TMEM132C: variants seen among roughly 807,000 people sequenced by gnomAD.
TMEM132C encodes the protein transmembrane protein 132C, also known as protein phosphatase 1, regulatory subunit 152.
Under a neutral mutation model 61.4 loss-of-function variants are expected in TMEM132C, and 29 were observed. The ratio of observed to expected loss-of-function variants is 0.47; its 90% CI spans 0.35 to 0.64. The LOEUF is 0.64. TMEM132C is among the 30% of genes least tolerant of loss of function. The pLI is 0.00. For missense variants in TMEM132C, 1,408 were observed against 1,476.9 expected, an observed-to-expected ratio of 0.95 and a Z score of 0.76; for synonymous variants, 656 against 633.1, an observed-to-expected ratio of 1.04 and a Z score of -0.54.
chr12:128,518,679 C>T (rs1029448399), intron 2 of TMEM132C, among the ~76,000 whole-genome samples: 4 of 152,024 alleles, frequency 2.6e-5, no homozygotes, highest in East Asian at 1.9e-4. Flanking sequence ...CAATCTAAAC[C>T]GCCTACCCTA....
chr12:128,604,417 A>ATAGATAGT (rs1876327102), intron 3 of TMEM132C, among the ~76,000 whole-genome samples: 1 of 147,880 alleles, frequency 6.8e-6, no homozygotes, highest in Non-Finnish European at 1.5e-5. Context: ...AGATAGATAG[A>ATAGATAGT]TAGATAGATA....
intron 3 of TMEM132C, among the ~76,000 whole-genome samples, chr12:128,553,135 G>A (rs535747673): frequency 2.0e-5 from 3 of 152,124 alleles, no homozygotes; most frequent in Non-Finnish European, 2.9e-5. Flanking sequence ...TAACACTAGC[G>A]ATAGCTGATG....
At chr12:128,694,352 CA>C (rs35339248) in intron 6 of TMEM132C, among the ~76,000 whole-genome samples, 16 of 151,634 alleles carry the variant, frequency 1.1e-4, no homozygotes, top group African/African-American at 3.9e-4. Flanking sequence ...TTATTTTCTC[CA>C]AAAAAAAGTC....
intron 3 of TMEM132C, among the ~76,000 whole-genome samples, chr12:128,579,405 G>A (rs1285164237): frequency 6.6e-6 from 1 of 152,196 alleles, no homozygotes; most frequent in Non-Finnish European, 1.5e-5. Context: ...GTCACTTTGT[G>A]AATATGTGTT....
rs188601651 is a variant in TMEM132C, at chr12:128,549,188, G to A, written c.1121+5085G>A. On this transcript the variant is annotated intron_variant, in intron 3 of 8. Transcript: ENST00000435159. Reference sequence around the variant, plus strand: ...GTCTGTCCATGTGTGTTTGGTCCTGGGCCCAGGCTGAAGGGGCAGAGTTAT... The same window carrying A: ...GTCTGTCCATGTGTGTTTGGTCCTGAGCCCAGGCTGAAGGGGCAGAGTTAT... Among the ~76,000 whole-genome samples the A allele has an allele frequency of 3.9e-5, 6 of 152,190 alleles. No individual in the cohort carries two copies. In the East Asian group the frequency reaches 1.2e-3, roughly 29 times the overall value.
chr12:128,621,636 G>A (rs866984140), intron 4 of TMEM132C, among the ~76,000 whole-genome samples: 5 of 152,300 alleles, frequency 3.3e-5, no homozygotes, highest in Admixed American at 2.0e-4. Context: ...TCCTCCATCC[G>A]TGGTACTGTT....
At chr12:128,430,222 G>A (rs1258898138) in intron 2 of TMEM132C, among the ~76,000 whole-genome samples, 1 of 152,196 alleles carries the variant, frequency 6.6e-6, no homozygotes, top group Admixed American at 6.5e-5. Flanking sequence ...GTATGACACA[G>A]TGGTTCTTGC....
chr12:128,705,441 C>T lies in TMEM132C; in HGVS notation c.2473C>T (p.Arg825Trp), dbSNP rs919803681. 6.8e-5 allele frequency: 106 copies of T among 1,550,898 alleles called. No homozygotes were observed. In the East Asian group the frequency reaches 8.6e-4, roughly 13 times the overall value. ...GATCAAGAACCACGCCAGCGACCGC[C>T]GGCAGAAGGGCCAGCACCATGAGCG... ...DEIKNHASDRRQKGQHHERTG... is the reference protein window; with the variant it reads ...DEIKNHASDRWQKGQHHERTG... Residue 825 changes from arginine (R) to tryptophan (W), a missense_variant, in exon 9 of 9, where the codon CGG (arginine) becomes TGG (tryptophan). Transcript: ENST00000435159.
At chr12:128,337,441 T>C (rs1035254293) in intron 1 of TMEM132C, among the ~76,000 whole-genome samples, 1 of 152,198 alleles carries the variant, frequency 6.6e-6, no homozygotes. Context: ...TGTGTGGATT[T>C]TTCCAAGGAG....
chr12:128,474,633 G>A (rs1871096510), intron 2 of TMEM132C, among the ~76,000 whole-genome samples: 1 of 152,192 alleles, frequency 6.6e-6, no homozygotes, highest in East Asian at 1.9e-4. Flanking sequence ...TAGAATGCCC[G>A]ATGAGAACGT....
At chr12:128,629,489 A>G (rs1406580951) in intron 4 of TMEM132C, among the ~76,000 whole-genome samples, 2 of 152,184 alleles carry the variant, frequency 1.3e-5, no homozygotes, top group Non-Finnish European at 2.9e-5. Flanking sequence ...AAAAAAACCA[A>G]TATGATTCCA....
Position 128,415,191 on chromosome 12 carries a change from G to A in TMEM132C, c.545G>A (p.Arg182Gln), listed in dbSNP as rs755425728. The A allele has an allele frequency of 6.3e-5, 102 of 1,610,620 alleles. No homozygotes were observed. The East Asian group carries it at 1.8e-3, about 29-fold the overall frequency. Residue 182 changes from arginine (R) to glutamine (Q), a missense_variant, in exon 2 of 9, where the codon CGG (arginine) becomes CAG (glutamine). By Grantham distance (43) the Arg-to-Gln change is conservative (BLOSUM62 1). Transcript: ENST00000435159. This position sits in a 1 kb window ranked among gnomAD's most constrained non-coding sequence, Gnocchi z 5.8. ...GCTTTCCGAGAAACCAGAGAGGTGC[G>A]GGGCAGCTGCCGGCTGAAGGGGGAC... ...VFAFRETREV[R>Q]GSCRLKGDLG...
intron 5 of TMEM132C, among the ~76,000 whole-genome samples, chr12:128,678,741 C>T (rs554832242): frequency 8.5e-5 from 13 of 152,260 alleles, no homozygotes; most frequent in African/African-American, 1.2e-4. Context: ...AAGTTAAGGA[C>T]GCTGCTTGTA....
intron 1 of TMEM132C, among the ~76,000 whole-genome samples, chr12:128,402,599 G>T (rs1040089396): frequency 6.6e-6 from 1 of 152,118 alleles, no homozygotes; most frequent in African/African-American, 2.4e-5. Flanking sequence ...GAGAGCCCCA[G>T]CCTGAGCCAA....
intron 8 of TMEM132C, among the ~76,000 whole-genome samples, chr12:128,698,410 G>T (rs1954780838): frequency 6.6e-6 from 1 of 152,208 alleles, no homozygotes. Flanking sequence ...CAATACTTAT[G>T]AGAAGAGTAC....
Position 128,705,478 on chromosome 12 carries a change from A to G in TMEM132C, c.2510A>G (p.Asp837Gly). Residue 837 changes from aspartate to glycine, a missense_variant, in exon 9 of 9, where the codon GAT (aspartate) becomes GGT (glycine). Transcript: ENST00000435159. Reference protein sequence around the residue: ...KGQHHERTGQDGHLYGSSPVE... With the variant: ...KGQHHERTGQGGHLYGSSPVE... ...CAGCACCATGAGCGCACAGGCCAAG[A>G]TGGGCACCTCTATGGCAGCTCTCCC... The G allele has an allele frequency of 6.4e-7, 1 of 1,551,168 alleles. No homozygotes were observed. The highest frequency in any genetic ancestry group is 8.7e-7 in the Non-Finnish European group (1 of 1,146,902).
chr12:128,402,015 G>A (rs537415299), intron 1 of TMEM132C, among the ~76,000 whole-genome samples: 6 of 152,300 alleles, frequency 3.9e-5, no homozygotes, highest in African/African-American at 1.4e-4. Flanking sequence ...GGACTATCCT[G>A]GATCATCCAG....
chr12:128,373,765 C>T (rs1874098429), intron 1 of TMEM132C, among the ~76,000 whole-genome samples: 1 of 152,164 alleles, frequency 6.6e-6, no homozygotes, highest in African/African-American at 2.4e-5. Context: ...CATGAGTGAA[C>T]ACCGGTAGGT....
At chr12:128,287,579 T>G (rs1439736560) in intron 1 of TMEM132C, among the ~76,000 whole-genome samples, 6 of 152,190 alleles carry the variant, frequency 3.9e-5, no homozygotes, top group Non-Finnish European at 8.8e-5. Flanking sequence ...ATTAGTAAGT[T>G]ACACACATTA....
Sources: gnomAD v4.1 joint callset for allele counts (sites outside exome capture counted in the v4.1 genomes callset) on GRCh38, gnomAD v4.1.1 for gene constraint, Gnocchi (gnomAD v3.1) non-coding constraint, MANE v1.5 for transcripts, NCBI Gene and HGNC (gene_info 2026-07-23, HGNC 2026-07-21) for gene names.